The following CTCFL variants were observed in gnomAD, a reference collection of about 807,000 sequenced individuals.
CTCFL encodes CCCTC-binding factor like.
CTCFL carries 36 observed loss-of-function variants against 67.4 expected under a neutral mutation model. The ratio of observed to expected loss-of-function variants is 0.53; its 90% CI spans 0.41 to 0.71. The LOEUF is 0.71. Among genes scored for constraint, CTCFL ranks in the 30% least tolerant of loss-of-function variants. CTCFL has a pLI of 0.00. For synonymous variants in CTCFL, 324 were observed against 302.3 expected, an observed-to-expected ratio of 1.07 and a Z score of -0.75; for missense variants, 786 against 835.2, an observed-to-expected ratio of 0.94 and a Z score of 0.73.
At chr20:57,504,513 C>G (rs1189281439) in intron 9 of CTCFL, among the ~76,000 whole-genome samples, 1 of 150,894 alleles carries the variant, frequency 6.6e-6, no homozygotes, top group East Asian at 2.0e-4. Flanking sequence ...AACTCCTGAC[C>G]TCAAGTGATC....
intron 9 of CTCFL, chr20:57,506,819 AATTTT>A: frequency 1.0e-6 from 1 of 985,086 alleles, no homozygotes; most frequent in Non-Finnish European, 1.2e-6. Flanking sequence ...TCTACTCGTT[AATTTT>A]AACTCTTCAC....
intron 10 of CTCFL, among the ~76,000 whole-genome samples, chr20:57,501,820 G>A (rs1270471352): frequency 6.6e-6 from 1 of 152,158 alleles, no homozygotes; most frequent in Non-Finnish European, 1.5e-5. Context: ...AGTTTGGGAT[G>A]AAGGTGCTCA....
At chr20:57,517,516 A>C (rs2146408455) in intron 5 of CTCFL, among the ~76,000 whole-genome samples, 1 of 152,200 alleles carries the variant, frequency 6.6e-6, no homozygotes, top group East Asian at 1.9e-4. Context: ...GACCTCAAGC[A>C]ATACGCTCAC....
In CTCFL at chr20:57,503,405, C is replaced by T. The variant is rs200984665; in HGVS notation, c.1840+31G>A. On this transcript the variant is annotated intron_variant, in intron 10 of 10. Transcript: ENST00000243914. Reference sequence around the variant, plus strand: ...AGTCACAACCAGAAAATCACTGAGGCGGTAAAAACAAATCTGCGTAAAATC... The same window carrying T: ...AGTCACAACCAGAAAATCACTGAGGTGGTAAAAACAAATCTGCGTAAAATC... 487 of 1,612,172 alleles carry T rather than the reference C, an allele frequency of 3.0e-4. 1 individual carries two copies. Among genetic ancestry groups the T allele is most frequent in the Non-Finnish European group, 3.0e-4 (356 of 1,178,710 alleles).
At chr20:57,502,077 T>G (rs1204267024) in intron 10 of CTCFL, among the ~76,000 whole-genome samples, 1 of 152,206 alleles carries the variant, frequency 6.6e-6, no homozygotes, top group African/African-American at 2.4e-5. Flanking sequence ...GAGTTCCAAC[T>G]GAGCTGAGTG....
chr20:57,509,746 C>A (rs1040777073), intron 8 of CTCFL, among the ~76,000 whole-genome samples: 2 of 152,180 alleles, frequency 1.3e-5, no homozygotes, highest in African/African-American at 4.8e-5. Flanking sequence ...TTCTTCTAAT[C>A]TTTCTCTCAC....
At chr20:57,516,882 A>T (rs1467358812) in intron 5 of CTCFL, among the ~76,000 whole-genome samples, 2 of 152,212 alleles carry the variant, frequency 1.3e-5, no homozygotes, top group African/African-American at 4.8e-5. Flanking sequence ...GTATTCGTGT[A>T]TCACAGGCCC....
At chr20:57,518,501 C>A in intron 5 of CTCFL, 1 of 1,400,894 alleles carries the variant, frequency 7.1e-7, no homozygotes, top group Non-Finnish European at 9.3e-7. Flanking sequence ...GGACTTATTT[C>A]TTGACCACAG....
chr20:57,517,520 C>T (rs972953321), intron 5 of CTCFL, among the ~76,000 whole-genome samples: 5 of 152,136 alleles, frequency 3.3e-5, no homozygotes, highest in South Asian at 2.1e-4. Context: ...TCAAGCAATA[C>T]GCTCACCTTG....
At chr20:57,513,438 A>G (rs899095054) in intron 7 of CTCFL, 2 of 990,862 alleles carry the variant, frequency 2.0e-6, no homozygotes, top group Non-Finnish European at 2.4e-6. Context: ...TGACTCAGAC[A>G]TTTAGAGAGC....
In CTCFL at chr20:57,497,187, T is replaced by G; in HGVS notation, c.*1363A>C. On this transcript the variant is annotated 3_prime_UTR_variant, in exon 11 of 11. Transcript: ENST00000243914. Reference sequence around the variant, plus strand: ...AATATAGCAATTTTAAGTCATTTCATTTTATTGAATTATGTAAAACATCTT... The same window carrying G: ...AATATAGCAATTTTAAGTCATTTCAGTTTATTGAATTATGTAAAACATCTT... 1 of 880,868 alleles carries G rather than the reference T, an allele frequency of 1.1e-6. No individual in the cohort carries two copies. The highest frequency in any genetic ancestry group is 5.2e-5 in the South Asian group (1 of 19,164). 54.6% of individuals were successfully genotyped at this position (880,868 alleles called of 1,614,324 possible).
intron 9 of CTCFL, chr20:57,507,950 A>G: frequency 1.5e-6 from 1 of 665,546 alleles, no homozygotes; most frequent in Non-Finnish European, 2.7e-6. Flanking sequence ...TTAATTAAAA[A>G]AGTTATTTTA....
Position 57,503,548 on chromosome 20 carries a change from A to G in CTCFL, c.1728T>C (p.Ala576=), listed in dbSNP as rs1169132444. 1.2e-6 allele frequency: 2 copies of G among 1,614,104 alleles called. No individual in the cohort carries two copies. Among genetic ancestry groups the G allele is most frequent in the Non-Finnish European group, 1.7e-6 (2 of 1,180,014 alleles). Residue 576 remains alanine (A), a synonymous_variant, in exon 10 of 11, where the codon GCT becomes GCC. Transcript: ENST00000243914. ...TTGTTCTTCTTCCCTTTCCTGAAGC[A>G]GCCGACTTTGCTTCCCCTGATCCAC... The part of the protein sequence containing the change: ...EKCGSGEAKS[A]ASGKGRRTRK...
chr20:57,520,323 C>T (rs2069256325), intron 3 of CTCFL, among the ~76,000 whole-genome samples: 1 of 152,176 alleles, frequency 6.6e-6, no homozygotes, highest in Non-Finnish European at 1.5e-5. Flanking sequence ...GATGCCAGTG[C>T]AAGGGCAGCG....
At chr20:57,504,284 C>CTT (rs1280310031) in intron 9 of CTCFL, among the ~76,000 whole-genome samples, 3 of 141,334 alleles carry the variant, frequency 2.1e-5, no homozygotes, top group Non-Finnish European at 3.1e-5. Flanking sequence ...CCCCCGTCTC[C>CTT]TTTTTTTTTT....
intron 9 of CTCFL, among the ~76,000 whole-genome samples, chr20:57,506,504 A>G (rs1483086961): frequency 6.6e-6 from 1 of 152,028 alleles, no homozygotes; most frequent in Non-Finnish European, 1.5e-5. Flanking sequence ...GGGTTTCATC[A>G]TTTTGGCCAG....
Position 57,523,926 on chromosome 20 carries a change from A to G in CTCFL, c.280T>C (p.Leu94=), listed in dbSNP as rs755510190. 1 of 1,612,772 alleles carries G rather than the reference A, an allele frequency of 6.2e-7. No homozygotes were observed. The highest frequency in any genetic ancestry group is 2.2e-5 in the East Asian group (1 of 44,868). ...ATGCTCAGCAAGCTCATATCCTGCA[A>G]CTCCACAGCTTCAGAAGTGAAGTGC... ...TVHFTSEAVE[L]QDMSLLSIQQ... The change falls in exon 2 of 11, where the codon TTG becomes CTG. Residue 94 remains leucine, a synonymous_variant. Transcript: ENST00000243914.
At chr20:57,496,740 T>C (rs1253141870), downstream of CTCFL, among the ~76,000 whole-genome samples, 1 of 152,250 alleles carries the variant, frequency 6.6e-6, no homozygotes, top group Non-Finnish European at 1.5e-5. Context: ...CAGCATAACG[T>C]CCTCAAGGTT....
At chr20:57,518,349 C>T (rs919752375) in intron 5 of CTCFL, 3 of 359,440 alleles carry the variant, frequency 8.3e-6, no homozygotes, top group African/African-American at 4.3e-5. Flanking sequence ...CTTAAATCTT[C>T]GAGCAAGCTG....
Sources: allele counts gnomAD v4.1 joint callset (sites outside exome capture counted in the v4.1 genomes callset), GRCh38; gene constraint gnomAD v4.1.1; transcripts MANE v1.5; gene names NCBI Gene and HGNC (gene_info 2026-07-23, HGNC 2026-07-21).